The following PKD1L1 variants were observed in gnomAD, a reference collection of about 807,000 sequenced individuals.
The protein encoded by PKD1L1 is polycystin-1-like protein 1.
A neutral mutation model predicts 323.4 loss-of-function variants in PKD1L1; 236 were observed. The observed-to-expected ratio is 0.73, with a 90% CI of 0.66 to 0.81. The LOEUF (loss-of-function observed/expected upper bound fraction) is 0.81, where lower values mean the gene tolerates loss of function less well. Ranked by LOEUF, PKD1L1 falls within the 40% of genes least tolerant of loss-of-function variation. The pLI, the probability that PKD1L1 is intolerant of heterozygous loss-of-function variation, is 0.00. For synonymous variants in PKD1L1, 1,344 were observed against 1,335.0 expected (o/e 1.01, Z -0.15); for missense variants, 3,320 against 3,508.0 (o/e 0.95, Z 1.35).
intron 56 of PKD1L1, among the ~76,000 whole-genome samples, chr7:47,786,581 CTG>C (rs1377868820): frequency 2.0e-5 from 3 of 152,240 alleles, no homozygotes; most frequent in African/African-American, 7.2e-5. Context: ...AGGAGAGACT[CTG>C]TGCCCTGAGG....
chr7:47,944,966 G>C (rs995575107), intron 1 of PKD1L1, among the ~76,000 whole-genome samples: 1 of 152,182 alleles, frequency 6.6e-6, no homozygotes, highest in Non-Finnish European at 1.5e-5. Flanking sequence ...CATTCCCAGC[G>C]ACAGGGCAAT....
chr7:47,845,653 G>A (rs1214912165), intron 32 of PKD1L1, among the ~76,000 whole-genome samples: 11 of 152,282 alleles, frequency 7.2e-5, no homozygotes, highest in African/African-American at 2.6e-4. Flanking sequence ...GCAGTGGCGT[G>A]ATTTCAGCTC....
In PKD1L1 at chr7:47,833,104, G is replaced by A; in HGVS notation, c.6323C>T (p.Pro2108Leu). The change falls in exon 41 of 57, where the codon CCT (proline) becomes CTT (leucine). Residue 2108 changes from proline (P) to leucine (L), a missense_variant. Physicochemically the swap from Pro to Leu is moderately conservative, Grantham distance 98. Coordinates refer to ENST00000289672, the MANE Select transcript of PKD1L1 (RefSeq NM_138295.5). ...GCCACAGTTACCTTGAGTGTGGGGA[G>A]GGCAGCAGTGGCTTTTCCCCATCAG... ...TSLMGKSHCCPPHTQAPSSGL... is the reference protein window; with the variant it reads ...TSLMGKSHCCLPHTQAPSSGL... The A allele has an allele frequency of 6.2e-7, 1 of 1,611,298 alleles. No individual in the cohort carries two copies.
Position 47,814,127 on chromosome 7 carries a change from G to T in PKD1L1, c.7090-113C>A, listed in dbSNP as rs542705103. 15 of 748,190 alleles carry T rather than the reference G, an allele frequency of 2.0e-5. No individual in the cohort carries two copies. The African/African-American group carries it at 2.6e-4, about 13-fold the overall frequency. 46.3% of individuals were successfully genotyped at this position (748,190 alleles called of 1,614,324 possible). A position where few individuals can be genotyped will look rare whatever the true frequency, so the allele number is the denominator to read the frequency against. ...GGGTAACTCCACCTGCTACCATAGAGGTCAGAGTTTTATTTTCCTTCCAAT... is the reference window on the plus strand; with the variant it reads ...GGGTAACTCCACCTGCTACCATAGATGTCAGAGTTTTATTTTCCTTCCAAT... On this transcript the variant is annotated intron_variant, in intron 47 of 56. Transcript: ENST00000289672.
chr7:47,777,172 G>A (rs967996216), intron 56 of PKD1L1, among the ~76,000 whole-genome samples: 28 of 152,180 alleles, frequency 1.8e-4, no homozygotes, highest in Non-Finnish European at 3.2e-4. Flanking sequence ...GATTACAGGC[G>A]CGAGCCACCA....
In PKD1L1 at chr7:47,893,937, G is replaced by T; in HGVS notation, c.2394C>A (p.Ser798=). The T allele has an allele frequency of 6.2e-7, 1 of 1,614,102 alleles. No individual in the cohort carries two copies. Among genetic ancestry groups the T allele is most frequent in the Non-Finnish European group, 8.5e-7 (1 of 1,180,024 alleles). ...ACTGGGTCCCTCTGAGGACAATGGG[G>T]GATGAGGTGGTCCTGGAGAAGAATA... ...THLFFSRTTS[S]PIVLRGTQSF... is the part of the protein sequence containing the mutation. The change falls in exon 15 of 57, where the codon TCC becomes TCA. Residue 798 remains serine, a synonymous_variant. Coordinates refer to ENST00000289672, the MANE Select transcript of PKD1L1 (RefSeq NM_138295.5).
intron 52 of PKD1L1, among the ~76,000 whole-genome samples, chr7:47,804,253 G>A (rs1168434225): frequency 6.6e-6 from 1 of 152,144 alleles, no homozygotes; most frequent in African/African-American, 2.4e-5. Context: ...GGTTGAATGG[G>A]GGATGAATGG....
At chr7:47,848,023 T>C (rs1471494088) in intron 31 of PKD1L1, among the ~76,000 whole-genome samples, 1 of 152,202 alleles carries the variant, frequency 6.6e-6, no homozygotes, top group Non-Finnish European at 1.5e-5. Context: ...CCCAACTTAA[T>C]TCATATAAAA....
At chr7:47,830,253 T>C in intron 42 of PKD1L1, 129 bp from the exon 43 acceptor site, 1 of 706,906 alleles carries the variant, frequency 1.4e-6, no homozygotes, top group Non-Finnish European at 2.4e-6. Flanking sequence ...AAGCCTGCTG[T>C]GGGGGTGGTG....
chr7:47,898,166 C>G lies in PKD1L1; in HGVS notation c.2093G>C (p.Gly698Ala), dbSNP rs765996909. 5 of 1,614,102 alleles carry G rather than the reference C, an allele frequency of 3.1e-6. No homozygotes were observed. In the South Asian group the frequency reaches 4.4e-5, roughly 14 times the overall value. The change falls in exon 14 of 57, where the codon GGA becomes GCA. Residue 698 changes from glycine to alanine, a missense_variant. Coordinates refer to ENST00000289672, the MANE Select transcript of PKD1L1 (RefSeq NM_138295.5). Reference protein sequence around the residue: ...QIWRSQPVRLGVTFEAAVFCD... With the variant: ...QIWRSQPVRLAVTFEAAVFCD... ...GAAGACTGCAGCTTCAAACGTCACT[C>G]CCAGCCTCACAGGCTGAGACCTCCA...
At chr7:47,834,491 T>C (rs1315300421) in intron 39 of PKD1L1, 106 bp from the exon 40 acceptor site, 1 of 901,386 alleles carries the variant, frequency 1.1e-6, no homozygotes, top group African/African-American at 1.7e-5. Flanking sequence ...CAGCAAATAC[T>C]CTTCCTTCCT....
At chr7:47,877,896 A>G (rs1236162415) in intron 21 of PKD1L1, among the ~76,000 whole-genome samples, 1 of 152,048 alleles carries the variant, frequency 6.6e-6, no homozygotes, top group Admixed American at 6.5e-5. Flanking sequence ...ACCACTGCCT[A>G]TATGTTCATT....
chr7:47,781,404 G>GT (rs1370272679), intron 56 of PKD1L1, among the ~76,000 whole-genome samples: 22 of 70,706 alleles, frequency 3.1e-4, no homozygotes, highest in South Asian at 1.8e-3. Context: ...TTTTTGTTTT[G>GT]TTTTGTTTTT....
intron 56 of PKD1L1, among the ~76,000 whole-genome samples, chr7:47,783,394 G>A (rs2128721744): frequency 6.6e-6 from 1 of 150,854 alleles, no homozygotes; most frequent in South Asian, 2.1e-4. Flanking sequence ...AGTTTTGTCA[G>A]ATTAGTGAAA....
chr7:47,889,996 C>T (rs1260133599), intron 16 of PKD1L1, among the ~76,000 whole-genome samples: 1 of 152,220 alleles, frequency 6.6e-6, no homozygotes, highest in African/African-American at 2.4e-5. Flanking sequence ...TGTTTGGTGT[C>T]CGGGGGCTGC....
Position 47,858,714 on chromosome 7 carries a change from G to A in PKD1L1, c.4321C>T (p.Arg1441Ter), listed in dbSNP as rs550723547. 3.1e-6 allele frequency: 5 copies of A among 1,613,988 alleles called. No individual in the cohort carries two copies. The highest frequency in any genetic ancestry group is 1.3e-5 in the African/African-American group (1 of 75,014). ...ATGACTGTAATTCCTTCTTCATGTC[G>A]ATAGACTTCCTCCTTCGAGTTTTCT... is the stretch of plus-strand genomic sequence containing the variant. ...EQENSKEEVYRHEEGITVISD... is the reference protein window; with the variant it reads ...EQENSKEEVY Residue 1441 changes from arginine (R) to a stop codon, truncating the protein, a stop_gained, in exon 27 of 57, where the codon CGA (arginine) becomes TGA (stop). Transcript: ENST00000289672. LOFTEE classifies it high-confidence loss of function.
At chr7:47,836,234 C>T (rs1785454451) in intron 37 of PKD1L1, among the ~76,000 whole-genome samples, 1 of 152,162 alleles carries the variant, frequency 6.6e-6, no homozygotes. Flanking sequence ...CCACTATGCC[C>T]GGCTGTCCCA....
Position 47,854,941 on chromosome 7 carries a change from C to T in PKD1L1, c.4800G>A (p.Gln1600=). 1 of 1,614,070 alleles carries T rather than the reference C, an allele frequency of 6.2e-7. No homozygotes were observed. Among genetic ancestry groups the T allele is most frequent in the Non-Finnish European group, 8.5e-7 (1 of 1,179,992 alleles). Reference sequence around the variant, plus strand: ...CAGGTTTGGAAAATTCAATTTCTATCTGTAGAGATTCCTGGGGGTTTTCGG... The same window carrying T: ...CAGGTTTGGAAAATTCAATTTCTATTTGTAGAGATTCCTGGGGGTTTTCGG... ...ELSENPQESL[Q]IEIEFSKPVT... is the part of the protein sequence containing the mutation. The change falls in exon 30 of 57, where the codon CAG becomes CAA. Residue 1600 remains glutamine, a synonymous_variant. Transcript: ENST00000289672.
At chr7:47,802,216 T>C (rs1046990555) in intron 53 of PKD1L1, among the ~76,000 whole-genome samples, 7 of 151,030 alleles carry the variant, frequency 4.6e-5, no homozygotes, top group African/African-American at 1.5e-4. Context: ...AAAAAGCAGT[T>C]TTGCATGTTG....
Sources: allele counts gnomAD v4.1 joint callset (sites outside exome capture counted in the v4.1 genomes callset), GRCh38; gene constraint gnomAD v4.1.1; transcripts MANE v1.5; gene names NCBI Gene and HGNC (gene_info 2026-07-23, HGNC 2026-07-21).